SGCD: variants seen among roughly 807,000 people sequenced by gnomAD.
SGCD encodes the protein sarcoglycan delta, also known as delta-sarcoglycan.
In SGCD, 18 loss-of-function variants were observed where a neutral mutation model predicts 36.6. That is an observed-to-expected ratio of 0.49 (90% CI 0.34 to 0.73). SGCD has a LOEUF of 0.73. SGCD is among the 30% of genes least tolerant of loss of function. The pLI, the probability that SGCD is intolerant of heterozygous loss-of-function variation, is 0.01. For synonymous variants in SGCD, 133 were observed against 130.6 expected (o/e 1.02, Z -0.12); for missense variants, 387 against 346.7 (o/e 1.12, Z -0.92).
chr5:155,964,997 G>A (rs1757874944), intron 1 of SGCD, among the ~76,000 whole-genome samples: 2 of 152,094 alleles, frequency 1.3e-5, no homozygotes, highest in South Asian at 2.1e-4. Flanking sequence ...GGCCAGACAA[G>A]TAGGTACTGG....
intron 3 of SGCD, among the ~76,000 whole-genome samples, chr5:156,259,600 A>C (rs1037545475): frequency 6.6e-6 from 1 of 151,998 alleles, no homozygotes; most frequent in Admixed American, 6.6e-5. Flanking sequence ...TATCAAATTA[A>C]CTTTTGTTTC....
chr5:156,687,194 G>A (rs547755772), intron 7 of SGCD, among the ~76,000 whole-genome samples: 89 of 152,256 alleles, frequency 5.8e-4, no homozygotes, highest in African/African-American at 2.1e-3. Flanking sequence ...AGGAACATAG[G>A]GACAGAATTA....
At chr5:156,376,008 A>C (rs140122502) in intron 3 of SGCD, among the ~76,000 whole-genome samples, 8 of 152,194 alleles carry the variant, frequency 5.3e-5, no homozygotes, top group Non-Finnish European at 8.8e-5. Flanking sequence ...GTATATGTAC[A>C]GTTATAGATA....
intron 4 of SGCD, among the ~76,000 whole-genome samples, chr5:156,509,299 C>A (rs534411960): frequency 6.6e-6 from 1 of 152,178 alleles, no homozygotes; most frequent in Non-Finnish European, 1.5e-5. Context: ...GTGGTGAGCA[C>A]CTGTAATCTT....
chr5:155,946,832 T>C (rs1004435233), intron 1 of SGCD, among the ~76,000 whole-genome samples: 10 of 152,208 alleles, frequency 6.6e-5, no homozygotes, highest in African/African-American at 2.4e-4. Context: ...GGAAACCGAA[T>C]GTAGCCATCA....
chr5:156,572,775 A>G (rs888678325), intron 4 of SGCD, among the ~76,000 whole-genome samples: 3 of 152,178 alleles, frequency 2.0e-5, no homozygotes, highest in African/African-American at 7.2e-5. Flanking sequence ...CTCTTTTGAC[A>G]TCACCCCTTT....
chr5:155,754,568 T>G, the SGCD span, among the ~76,000 whole-genome samples: 1 of 152,192 alleles, frequency 6.6e-6, no homozygotes, highest in Non-Finnish European at 1.5e-5. Context: ...ATACAACAAT[T>G]ACCCAGATAA....
At chr5:156,428,113 C>A (rs1215354846) in intron 3 of SGCD, among the ~76,000 whole-genome samples, 1 of 152,048 alleles carries the variant, frequency 6.6e-6, no homozygotes, top group Non-Finnish European at 1.5e-5. Flanking sequence ...AGGATTGGTA[C>A]CAATTCCTTT....
intron 3 of SGCD, among the ~76,000 whole-genome samples, chr5:156,247,762 T>C (rs1038171328): frequency 1.3e-5 from 2 of 152,244 alleles, no homozygotes; most frequent in Non-Finnish European, 2.9e-5. Context: ...TCATTTTTAG[T>C]GCTGTACTTT....
chr5:156,584,474 A>T (rs1254520514), intron 4 of SGCD, among the ~76,000 whole-genome samples: 1 of 152,224 alleles, frequency 6.6e-6, no homozygotes, highest in East Asian at 1.9e-4. Context: ...TAGAAGACAG[A>T]TGAAAATGTT....
chr5:156,448,731 C>CTTT lies in SGCD; in HGVS notation c.193-59844_193-59842dup, dbSNP rs1158844774. Among the ~76,000 whole-genome samples the CTTT allele has an allele frequency of 4.7e-3, 361 of 76,062 alleles. 31 individuals are homozygous for CTTT. The highest frequency in any genetic ancestry group is 9.7e-3 in the African/African-American group (159 of 16,402). The allele number at this position is 76,062 out of a possible 152,430, so 49.9% of individuals were successfully genotyped here. On this transcript the variant is annotated intron_variant, in intron 3 of 8. Transcript: ENST00000337851. The stretch of plus-strand genomic sequence containing the variant: ...GTGGGAGAAGTTTCTTTTTCTTTTT[C>CTTT]TTTTTTTTTTTTTTTTTTTTTTTTT...
At chr5:156,455,746 C>T (rs891292745) in intron 3 of SGCD, among the ~76,000 whole-genome samples, 1 of 152,194 alleles carries the variant, frequency 6.6e-6, no homozygotes, top group African/African-American at 2.4e-5. Flanking sequence ...AGTCCTAACT[C>T]CAGGTGGCTG....
chr5:156,325,596 T>A (rs1767785696), upstream of SGCD, among the ~76,000 whole-genome samples: 1 of 152,148 alleles, frequency 6.6e-6, no homozygotes, highest in Admixed American at 6.5e-5. Flanking sequence ...GATATCACCT[T>A]CCCAAATTAT....
At chr5:156,561,828 C>T (rs1286752437) in intron 4 of SGCD, among the ~76,000 whole-genome samples, 1 of 152,054 alleles carries the variant, frequency 6.6e-6, no homozygotes, top group Non-Finnish European at 1.5e-5. Context: ...GGGTTTAAAT[C>T]CCAACTCTCA....
At chr5:155,880,403 T>G (rs1287336654) in intron 1 of SGCD, among the ~76,000 whole-genome samples, 1 of 152,160 alleles carries the variant, frequency 6.6e-6, no homozygotes, top group African/African-American at 2.4e-5. Flanking sequence ...AACTATTGAG[T>G]GAATGTTGCT....
chr5:155,827,517 C>T, the SGCD span, among the ~76,000 whole-genome samples: 14 of 152,100 alleles, frequency 9.2e-5, no homozygotes, highest in Non-Finnish European at 1.8e-4. Context: ...CAGAAAAGCA[C>T]GCTTTTCTGT....
chr5:155,729,678 G>T, the SGCD span, among the ~76,000 whole-genome samples: 1 of 152,194 alleles, frequency 6.6e-6, no homozygotes, highest in African/African-American at 2.4e-5. Context: ...CCCTCCCCGA[G>T]CCCCGGGCTG....
At chr5:156,313,782 A>T (rs141640278) in intron 3 of SGCD, among the ~76,000 whole-genome samples, 1 of 152,056 alleles carries the variant, frequency 6.6e-6, no homozygotes, top group Non-Finnish European at 1.5e-5. Flanking sequence ...GCCATTAACA[A>T]TTTATTCCTT....
intron 3 of SGCD, among the ~76,000 whole-genome samples, chr5:156,129,031 C>T (rs921636653): frequency 2.0e-5 from 3 of 152,024 alleles, no homozygotes; most frequent in Non-Finnish European, 4.4e-5. Flanking sequence ...TGACAGAAAT[C>T]GGCTCAGTGC....
Sources: gnomAD v4.1 joint callset for allele counts (sites outside exome capture counted in the v4.1 genomes callset) on GRCh38, gnomAD v4.1.1 for gene constraint, MANE v1.5 for transcripts, NCBI Gene and HGNC (gene_info 2026-07-23, HGNC 2026-07-21) for gene names.